GATAD2A: variants seen among roughly 807,000 people sequenced by gnomAD.
The protein encoded by GATAD2A is GATA zinc finger domain containing 2A.
A neutral mutation model predicts 68.5 loss-of-function variants in GATAD2A; 12 were observed. The ratio of observed to expected loss-of-function variants is 0.18; its 90% CI spans 0.11 to 0.28. GATAD2A has a LOEUF of 0.28. GATAD2A is among the 10% of genes least tolerant of loss of function. The pLI, the probability that GATAD2A is intolerant of heterozygous loss-of-function variation, is 1.00. For missense variants in GATAD2A, 755 were observed against 868.5 expected (o/e 0.87, Z 1.64); for synonymous variants, 410 against 375.3 (o/e 1.09, Z -1.07).
intron 1 of GATAD2A, among the ~76,000 whole-genome samples, 190 bp from the exon 2 acceptor site, chr19:19,465,150 T>C (rs1187966084): frequency 6.6e-6 from 1 of 152,210 alleles, no homozygotes; most frequent in African/African-American, 2.4e-5. Context: ...ACCCCCCTCC[T>C]GCCTAGCCTT....
intron 5 of GATAD2A, among the ~76,000 whole-genome samples, chr19:19,495,170 A>G (rs1007516610): frequency 1.3e-5 from 2 of 151,298 alleles, no homozygotes; most frequent in African/African-American, 4.9e-5. Flanking sequence ...TAATTTTTCC[A>G]TTTTTTGTAG....
intron 1 of GATAD2A, among the ~76,000 whole-genome samples, chr19:19,389,053 G>A (rs906393284): frequency 3.3e-5 from 5 of 152,076 alleles, no homozygotes; most frequent in Non-Finnish European, 2.9e-5. Flanking sequence ...TTTACGTGGC[G>A]TTTACAAATC....
intron 9 of GATAD2A, among the ~76,000 whole-genome samples, chr19:19,501,669 C>T (rs924697222): frequency 1.3e-5 from 2 of 152,140 alleles, no homozygotes; most frequent in African/African-American, 4.8e-5. Context: ...ACCAAAGGGG[C>T]GTTTGGAAAA....
rs760959200 is a variant in GATAD2A at position 19,501,427 on chromosome 19, CCTGCTGCCGGCAGT to C, written c.1503+12_1503+25del. 1 of 1,572,228 alleles carries C rather than the reference CCTGCTGCCGGCAGT, an allele frequency of 6.4e-7. No individual in the cohort carries two copies. The highest frequency in any genetic ancestry group is 1.1e-5 in the South Asian group (1 of 87,442). On this transcript the variant is annotated intron_variant, in intron 9 of 11. Transcript: ENST00000683918. ...CCCGTGCTGAAGCAGGTGAGCCTGGCCTGCTGCCGGCAGTGCCGTCCCTAGGAGGCAGAGGCCGT... is the reference window on the plus strand; with the variant it reads ...CCCGTGCTGAAGCAGGTGAGCCTGGCGCCGTCCCTAGGAGGCAGAGGCCGT...
intron 1 of GATAD2A, among the ~76,000 whole-genome samples, chr19:19,437,257 A>C (rs897219248): frequency 6.6e-6 from 1 of 152,096 alleles, no homozygotes; most frequent in Non-Finnish European, 1.5e-5. Context: ...CAGGCTCCTG[A>C]ATAGCTGGGA....
chr19:19,496,172 C>A lies in GATAD2A; in HGVS notation c.877C>A (p.Arg293Ser). 6.2e-7 allele frequency: 1 copy of A among 1,613,810 alleles called. No homozygotes were observed. The highest frequency in any genetic ancestry group is 8.5e-7 in the Non-Finnish European group (1 of 1,179,988). ...GAGGATCATCCAGCAGGGCCTCATC[C>A]GCGTCGCCAATGTTCCCAACACCAG... The part of the protein sequence containing the change: ...GQRIIQQGLI[R>S]VANVPNTSLL... Residue 293 changes from arginine (R) to serine (S), a missense_variant, in exon 7 of 12, where the codon CGC becomes AGC. Arg to Ser is a moderately radical substitution (Grantham distance 110). Coordinates refer to ENST00000683918, the MANE Select transcript of GATAD2A (RefSeq NM_001384528.1).
intron 1 of GATAD2A, among the ~76,000 whole-genome samples, chr19:19,440,780 A>G (rs1204570912): frequency 6.6e-6 from 1 of 152,236 alleles, no homozygotes; most frequent in African/African-American, 2.4e-5. Context: ...GTCAGTTGTA[A>G]CACACATTGG....
chr19:19,495,987 C>G, intron 6 of GATAD2A, 65 bp from the exon 7 acceptor site: 1 of 1,585,686 alleles, frequency 6.3e-7, no homozygotes, highest in Non-Finnish European at 8.6e-7. Flanking sequence ...TGCCCTGTGC[C>G]TTCCGGTCCC....
At chr19:19,387,223 G>A (rs533011458) in intron 1 of GATAD2A, among the ~76,000 whole-genome samples, 13 of 151,716 alleles carry the variant, frequency 8.6e-5, no homozygotes, top group Non-Finnish European at 1.6e-4. Context: ...CCTCTTTTCA[G>A]AAGACATTGC....
chr19:19,425,808 T>TA (rs1158560903), intron 1 of GATAD2A, among the ~76,000 whole-genome samples: 8 of 151,434 alleles, frequency 5.3e-5, no homozygotes, highest in Non-Finnish European at 5.9e-5. Flanking sequence ...TTTTTTTTTT[T>TA]AGACAAGGTC....
At chr19:19,436,209 C>A in intron 1 of GATAD2A, 1 of 1,364,164 alleles carries the variant, frequency 7.3e-7, no homozygotes, top group Middle Eastern at 2.1e-4. Context: ...CACCCCATAC[C>A]CCGAAGCCAG....
At chr19:19,469,435 A>AAAAAAAAAAAG (rs986046869) in intron 2 of GATAD2A, among the ~76,000 whole-genome samples, 26 of 152,028 alleles carry the variant, frequency 1.7e-4, no homozygotes, top group Admixed American at 1.4e-3. Flanking sequence ...CCATCTCAAA[A>AAAAAAAAAAAG]AAAAAGAAAA....
intron 1 of GATAD2A, among the ~76,000 whole-genome samples, chr19:19,429,833 G>C (rs1010976379): frequency 6.6e-6 from 1 of 152,008 alleles, no homozygotes; most frequent in African/African-American, 2.4e-5. Flanking sequence ...TGGTCCTCCC[G>C]GGGCTGATTC....
In GATAD2A at chr19:19,475,644, C is replaced by T. The variant is rs553177118; in HGVS notation, c.269+10030C>T. ...GCTCCGACTAGAAATCCACAGCCTG[C>T]GGGCATTTCTTAGCTCATGGGAACT... On this transcript the variant is annotated intron_variant, in intron 2 of 11. Transcript: ENST00000683918. Among the ~76,000 whole-genome samples, 15 of 152,316 alleles carry T rather than the reference C, an allele frequency of 9.8e-5. No individual in the cohort carries two copies. The East Asian group carries it at 2.3e-3, about 23-fold the overall frequency.
chr19:19,489,549 G>A (rs2059649354), intron 2 of GATAD2A, among the ~76,000 whole-genome samples: 1 of 152,248 alleles, frequency 6.6e-6, no homozygotes, highest in Non-Finnish European at 1.5e-5. Context: ...TCTTGGATGA[G>A]TTATTGATTA....
chr19:19,481,091 C>T (rs1280407974), intron 2 of GATAD2A, among the ~76,000 whole-genome samples: 2 of 152,108 alleles, frequency 1.3e-5, no homozygotes, highest in Non-Finnish European at 2.9e-5. Context: ...CTTCCTCCAC[C>T]CTGCTTGAGG....
At chr19:19,403,715 C>A (rs761971575), upstream of GATAD2A, among the ~76,000 whole-genome samples, 1 of 152,156 alleles carries the variant, frequency 6.6e-6, no homozygotes, top group Admixed American at 6.5e-5. Context: ...AATCAAGACC[C>A]AGGTGAGGAG....
At chr19:19,495,688 G>A in intron 5 of GATAD2A, 66 bp from the exon 6 acceptor site, 1 of 1,358,966 alleles carries the variant, frequency 7.4e-7, no homozygotes, top group Non-Finnish European at 1.0e-6. Context: ...CAGCAAAACT[G>A]CTTGCTTTAA....
At chr19:19,439,742 G>T (rs950497596) in intron 1 of GATAD2A, among the ~76,000 whole-genome samples, 5 of 152,082 alleles carry the variant, frequency 3.3e-5, no homozygotes, top group Admixed American at 1.3e-4. Context: ...AGTTACCCGG[G>T]GAGGCTGAGG....
Sources: allele counts gnomAD v4.1 joint callset (sites outside exome capture counted in the v4.1 genomes callset), GRCh38; gene constraint gnomAD v4.1.1; transcripts MANE v1.5; gene names NCBI Gene and HGNC (gene_info 2026-07-23, HGNC 2026-07-21).